The following C5orf47 variants were observed in gnomAD, a reference collection of about 807,000 sequenced individuals.
C5orf47 encodes the protein uncharacterized protein C5orf47.
In C5orf47, 20 loss-of-function variants were observed where a neutral mutation model predicts 20.6. That is an observed-to-expected ratio of 0.97 (90% confidence interval 0.68 to 1.41). The LOEUF (loss-of-function observed/expected upper bound fraction) is 1.41, where lower values mean the gene tolerates loss of function less well. Among genes scored for constraint, C5orf47 ranks in the 40% most tolerant of loss-of-function variants. C5orf47 has a pLI of 0.00. For missense variants in C5orf47, 262 were observed against 238.4 expected (o/e 1.10, Z -0.65); for synonymous variants, 106 against 97.3 (o/e 1.09, Z -0.53).
chr5:174,003,754 T>C (rs541850654), intron 4 of C5orf47, among the ~76,000 whole-genome samples: 11 of 152,060 alleles, frequency 7.2e-5, no homozygotes, highest in African/African-American at 2.4e-4. Flanking sequence ...GAGATGATTG[T>C]GGGGCTGAGG....
intron 4 of C5orf47, among the ~76,000 whole-genome samples, chr5:174,001,807 A>G (rs368061673): frequency 6.6e-6 from 1 of 151,886 alleles, no homozygotes; most frequent in African/African-American, 2.4e-5. Flanking sequence ...TATAGCTTCA[A>G]CTACTCTTCC....
At chr5:174,000,524 G>A (rs561218985) in intron 3 of C5orf47, among the ~76,000 whole-genome samples, 1 of 152,140 alleles carries the variant, frequency 6.6e-6, no homozygotes, top group South Asian at 2.1e-4. Flanking sequence ...TCCTGCACAT[G>A]CTATCATGAA....
chr5:173,998,288 T>G (rs1181688653), intron 2 of C5orf47, 50 bp downstream of exon 2: 1 of 941,380 alleles, frequency 1.1e-6, no homozygotes, highest in Non-Finnish European at 1.6e-6. Context: ...TAGATCATCC[T>G]CTCTAAATAC....
chr5:173,992,249 T>TA lies in C5orf47; in HGVS notation c.325+2662dup, dbSNP rs1178900130. 4.2e-5 allele frequency among the ~76,000 whole-genome samples: 6 copies of TA among 143,966 alleles called. No individual in the cohort carries two copies. The South Asian group carries it at 6.5e-4, about 16-fold the overall frequency. The allele number at this position is 143,966 out of a possible 152,430, so 94.4% of individuals were successfully genotyped here. ...TTTTGTTAATTTTTTTTTTTTTTTT[T>TA]ACTAAGCTAAGATTTGGGCCCGATA... On this transcript the variant is annotated intron_variant, in intron 1 of 4. Coordinates refer to ENST00000340147, the MANE Select transcript of C5orf47 (RefSeq NM_001144954.2).
chr5:173,990,414 C>T (rs1237535889), intron 1 of C5orf47, among the ~76,000 whole-genome samples: 1 of 151,976 alleles, frequency 6.6e-6, no homozygotes, highest in East Asian at 1.9e-4. Context: ...AGCCACTGGG[C>T]CAAGCCTTTC....
downstream of C5orf47, among the ~76,000 whole-genome samples, chr5:174,008,822 C>CAA (rs57488841): frequency 2.4e-3 from 183 of 75,426 alleles, 1 homozygote; most frequent in African/African-American, 3.9e-3. Flanking sequence ...GACTCCATCT[C>CAA]AAAAAAAAAA....
At chr5:173,998,111 C>G (rs1317574857) in intron 1 of C5orf47, 42 bp from the exon 2 acceptor site, 1 of 1,141,844 alleles carries the variant, frequency 8.8e-7, no homozygotes, top group East Asian at 2.6e-5. Context: ...GATAGTAAAT[C>G]CTTATATATG....
downstream of C5orf47, among the ~76,000 whole-genome samples, chr5:174,008,218 C>T (rs1759321765): frequency 6.6e-6 from 1 of 152,198 alleles, no homozygotes. Context: ...GAAGCACATG[C>T]ATGGTAGGCC....
intron 2 of C5orf47, 132 bp from the exon 3 acceptor site, chr5:173,999,568 A>G (rs1759159520): frequency 2.4e-6 from 1 of 412,504 alleles, no homozygotes; most frequent in African/African-American, 2.1e-5. Flanking sequence ...TTAGTTCTCT[A>G]AATGCTAATA....
intron 4 of C5orf47, among the ~76,000 whole-genome samples, chr5:174,003,035 G>C (rs1011351939): frequency 6.6e-6 from 1 of 152,176 alleles, no homozygotes; most frequent in Non-Finnish European, 1.5e-5. Flanking sequence ...TGCATCTTGA[G>C]TTATGTGATC....
At chr5:174,002,870 G>A (rs1182517244) in intron 4 of C5orf47, among the ~76,000 whole-genome samples, 2 of 151,996 alleles carry the variant, frequency 1.3e-5, no homozygotes, top group Admixed American at 6.6e-5. Context: ...AGTTTGTCAG[G>A]CTTTGTCTTT....
chr5:173,990,929 A>G (rs1758985148), intron 1 of C5orf47, among the ~76,000 whole-genome samples: 1 of 152,220 alleles, frequency 6.6e-6, no homozygotes, highest in Non-Finnish European at 1.5e-5. Context: ...CCCGTTTTGC[A>G]TGCTTAGTTC....
In C5orf47 at chr5:173,989,388, G is replaced by C; in HGVS notation, c.125G>C (p.Gly42Ala). Residue 42 changes from glycine to alanine, a missense_variant, in exon 1 of 5, where the codon GGT becomes GCT. By Grantham distance (60) the Gly-to-Ala change is moderately conservative. Coordinates refer to ENST00000340147, the MANE Select transcript of C5orf47 (RefSeq NM_001144954.2). ...GGCCGTGGAGCTCAAGGCCTTTGGG[G>C]TCAGGGGCCTGGGGCAGGCTGTCGC... ...LGGRGAQGLW[G>A]QGPGAGCRQE... is the part of the protein sequence containing the mutation. The C allele has an allele frequency of 6.5e-7, 1 of 1,541,110 alleles. No homozygotes were observed. The highest frequency in any genetic ancestry group is 8.8e-7 in the Non-Finnish European group (1 of 1,141,814).
chr5:173,990,785 T>C (rs888021688), intron 1 of C5orf47, among the ~76,000 whole-genome samples: 1 of 152,224 alleles, frequency 6.6e-6, no homozygotes, highest in African/African-American at 2.4e-5. Flanking sequence ...AATTTACGTA[T>C]GTTTCGAAGA....
At chr5:173,995,623 C>T (rs961927081) in intron 1 of C5orf47, among the ~76,000 whole-genome samples, 3 of 152,194 alleles carry the variant, frequency 2.0e-5, no homozygotes, top group African/African-American at 7.2e-5. Flanking sequence ...TGCAGAGTGC[C>T]TAGCACAGTG....
At chr5:174,007,430 G>GTA (rs1759308962), downstream of C5orf47, among the ~76,000 whole-genome samples, 2 of 152,278 alleles carry the variant, frequency 1.3e-5, no homozygotes, top group South Asian at 4.1e-4. Context: ...CAGGAGCATG[G>GTA]TATATAGCAA....
chr5:173,994,475 G>A lies in C5orf47; in HGVS notation c.326-3678G>A, dbSNP rs1309800749. ...AACTCTGCCACAAAGGAGTTGGTGG[G>A]TGGGAGAGATTGGAGGCCAGAGAAC... On this transcript the variant is annotated intron_variant, in intron 1 of 4. Transcript: ENST00000340147. 2.0e-5 allele frequency among the ~76,000 whole-genome samples: 3 copies of A among 152,174 alleles called. No individual in the cohort carries two copies. In the East Asian group the frequency reaches 5.8e-4, roughly 29 times the overall value.
chr5:174,008,965 G>T (rs538700482), downstream of C5orf47, among the ~76,000 whole-genome samples: 1 of 152,170 alleles, frequency 6.6e-6, no homozygotes, highest in East Asian at 1.9e-4. Flanking sequence ...GACTTACCAA[G>T]TAAAAAAAAT....
At chr5:173,990,986 A>G (rs750726649) in intron 1 of C5orf47, among the ~76,000 whole-genome samples, 1 of 152,134 alleles carries the variant, frequency 6.6e-6, no homozygotes, top group Non-Finnish European at 1.5e-5. Flanking sequence ...CCCCAAGAGA[A>G]CCCCTGTATC....
Sources: allele counts gnomAD v4.1 joint callset (sites outside exome capture counted in the v4.1 genomes callset), GRCh38; gene constraint gnomAD v4.1.1; transcripts MANE v1.5; gene names NCBI Gene and HGNC (gene_info 2026-07-23, HGNC 2026-07-21).